Variants in HFM1 observed in about 807,000 individuals in gnomAD.
HFM1 encodes probable ATP-dependent DNA helicase HFM1.
In HFM1, 169 loss-of-function variants were observed where a neutral mutation model predicts 192.1. That is an observed-to-expected ratio of 0.88 (90% CI 0.78 to 1.00). The LOEUF is 1.00. Among genes scored for constraint, HFM1 ranks in the 50% least tolerant of loss-of-function variants. HFM1 has a pLI of 0.00. For synonymous variants in HFM1, 525 were observed against 537.8 expected (o/e 0.98, Z 0.33); for missense variants, 1,661 against 1,668.0 (o/e 1.00, Z 0.07).
chr1:91,371,179 T>C (rs1660138472), intron 13 of HFM1, among the ~76,000 whole-genome samples: 1 of 152,156 alleles, frequency 6.6e-6, no homozygotes, highest in Non-Finnish European at 1.5e-5. Flanking sequence ...AGGTAATTTA[T>C]AGATTCAATG....
rs887890016 is a variant in HFM1, at chr1:91,343,515, T to A, written c.2255-5A>T. 8.4e-7 allele frequency: 1 copy of A among 1,189,894 alleles called. No individual in the cohort carries two copies. Among genetic ancestry groups the A allele is most frequent in the Admixed American group, 2.2e-5 (1 of 44,566 alleles). The allele number at this position is 1,189,894 out of a possible 1,614,324, so 73.7% of individuals were successfully genotyped here. A position where few individuals can be genotyped will look rare whatever the true frequency, so the allele number is the denominator to read the frequency against. On this transcript the variant is annotated splice_region_variant and splice_polypyrimidine_tract_variant and intron_variant, in intron 19 of 38. Coordinates refer to ENST00000370425, the MANE Select transcript of HFM1 (RefSeq NM_001017975.6). The stretch of plus-strand genomic sequence containing the variant: ...TCAGATTCTTCAAACATAATTCTGT[T>A]TAATTATAGAAAACACATTTTAATT...
intron 30 of HFM1, among the ~76,000 whole-genome samples, chr1:91,313,007 T>G (rs1045033440): frequency 1.3e-5 from 2 of 152,126 alleles, no homozygotes; most frequent in Non-Finnish European, 2.9e-5. Context: ...GCCCTTCACC[T>G]CCTGCCATGA....
At chr1:91,354,445 C>A (rs1004035262) in intron 13 of HFM1, among the ~76,000 whole-genome samples, 1 of 152,050 alleles carries the variant, frequency 6.6e-6, no homozygotes, top group Non-Finnish European at 1.5e-5. Flanking sequence ...TTGCTGAAAA[C>A]TTCCCAAGTC....
chr1:91,313,468 G>GTA lies in HFM1; in HGVS notation c.3270_3271dup (p.Thr1091IlefsTer6). ...CCTCTTGGGTTCTAAGTAAAAGACT[G>GTA]TAAGTTTCTGCTGAATATCAAGCCC... On this transcript the variant is annotated frameshift_variant, in exon 30 of 39. Transcript: ENST00000370425. LOFTEE classifies it high-confidence loss of function. The GTA allele has an allele frequency of 6.3e-7, 1 of 1,589,426 alleles. No homozygotes were observed. The highest frequency in any genetic ancestry group is 1.2e-5 in the South Asian group (1 of 84,840).
chr1:91,298,749 G>C (rs540030329), intron 30 of HFM1, among the ~76,000 whole-genome samples: 1 of 152,198 alleles, frequency 6.6e-6, no homozygotes, highest in South Asian at 2.1e-4. Flanking sequence ...AGAGATTTTT[G>C]TCACCACCAG....
intron 30 of HFM1, among the ~76,000 whole-genome samples, chr1:91,298,595 G>T (rs1648104681): frequency 6.6e-6 from 1 of 152,174 alleles, no homozygotes; most frequent in Non-Finnish European, 1.5e-5. Flanking sequence ...TCTCTTGGCA[G>T]AAACTCTACA....
chr1:91,272,041 T>C (rs897292744), intron 34 of HFM1, among the ~76,000 whole-genome samples: 9 of 152,114 alleles, frequency 5.9e-5, no homozygotes, highest in African/African-American at 1.9e-4. Context: ...CTTTTTGAAA[T>C]TGGAATACAG....
intron 13 of HFM1, among the ~76,000 whole-genome samples, chr1:91,370,409 A>T (rs1474031384): frequency 2.0e-5 from 3 of 152,232 alleles, no homozygotes; most frequent in African/African-American, 7.2e-5. Context: ...AGTGGGCTTC[A>T]TCCCTGGGAT....
intron 28 of HFM1, among the ~76,000 whole-genome samples, chr1:91,315,146 T>C (rs913938949): frequency 1.3e-5 from 2 of 152,210 alleles, no homozygotes; most frequent in Non-Finnish European, 2.9e-5. Context: ...TAAACTCTTT[T>C]TGTCTCAATT....
chr1:91,328,867 C>A, intron 20 of HFM1: 1 of 1,610,816 alleles, frequency 6.2e-7, no homozygotes, highest in Non-Finnish European at 8.5e-7. Flanking sequence ...CAGAGGCCAG[C>A]TGTGCTGCCC....
At chr1:91,316,071 T>C (rs2101178213) in intron 27 of HFM1, 30 bp downstream of exon 27, 3 of 1,505,566 alleles carry the variant, frequency 2.0e-6, no homozygotes, top group Non-Finnish European at 2.7e-6. Context: ...GAAAAGACAA[T>C]AAAATATCTA....
At chr1:91,321,578 T>C (rs142773409) in intron 23 of HFM1, among the ~76,000 whole-genome samples, 256 of 152,258 alleles carry the variant, frequency 1.7e-3, no homozygotes, top group Non-Finnish European at 2.8e-3. Flanking sequence ...GTAACAGGGA[T>C]ATGACAAAGC....
chr1:91,266,762 C>T (rs1557749726), intron 35 of HFM1, among the ~76,000 whole-genome samples: 1 of 152,086 alleles, frequency 6.6e-6, no homozygotes, highest in East Asian at 1.9e-4. Context: ...ACTTGCAGTA[C>T]CCAATGACAC....
chr1:91,390,431 C>A (rs1267158700), intron 4 of HFM1, among the ~76,000 whole-genome samples: 24 of 140,378 alleles, frequency 1.7e-4, no homozygotes, highest in South Asian at 6.8e-4. Flanking sequence ...GTAAGACTCC[C>A]AAAGAAAAAA....
chr1:91,329,516 A>T, intron 20 of HFM1: 1 of 1,512,436 alleles, frequency 6.6e-7, no homozygotes, highest in Non-Finnish European at 8.9e-7. Context: ...AAAGGGGAAA[A>T]TAAATGTGTT....
chr1:91,297,593 C>G (rs1038606651), intron 30 of HFM1, among the ~76,000 whole-genome samples: 23 of 152,322 alleles, frequency 1.5e-4, no homozygotes, highest in African/African-American at 5.5e-4. Context: ...TGAGACAAAA[C>G]TTCCAGAGGA....
chr1:91,354,344 G>C (rs1189785917), intron 13 of HFM1, among the ~76,000 whole-genome samples: 1 of 151,852 alleles, frequency 6.6e-6, no homozygotes, highest in Non-Finnish European at 1.5e-5. Flanking sequence ...GGACTTATGG[G>C]ACACCATTAA....
At chr1:91,361,733 G>C (rs748772843) in intron 13 of HFM1, among the ~76,000 whole-genome samples, 2 of 152,102 alleles carry the variant, frequency 1.3e-5, no homozygotes, top group Non-Finnish European at 2.9e-5. Context: ...ACCAAAACCT[G>C]GTGGAGATAC....
Position 91,375,340 on chromosome 1 carries a change from AAAAAT to A in HFM1, c.1685+13_1685+17del. On this transcript the variant is annotated intron_variant, in intron 13 of 38. Coordinates refer to ENST00000370425, the MANE Select transcript of HFM1 (RefSeq NM_001017975.6). ...CCTAAAAGTCCTTCTACTTCCATGAAAAAATAAAATACTATACCTCTGTTTCTGTT... is the reference window on the plus strand; with the variant it reads ...CCTAAAAGTCCTTCTACTTCCATGAAAAAATACTATACCTCTGTTTCTGTT... 1 of 1,582,028 alleles carries A rather than the reference AAAAAT, an allele frequency of 6.3e-7. No homozygotes were observed. The highest frequency in any genetic ancestry group is 8.6e-7 in the Non-Finnish European group (1 of 1,157,864).
Sources: allele counts gnomAD v4.1 joint callset (sites outside exome capture counted in the v4.1 genomes callset), GRCh38; gene constraint gnomAD v4.1.1; transcripts MANE v1.5; gene names NCBI Gene and HGNC (gene_info 2026-07-23, HGNC 2026-07-21).